Variants in STXBP4 observed in about 807,000 individuals in gnomAD.
The protein encoded by STXBP4 is syntaxin binding protein 4.
Under a neutral mutation model 76.1 loss-of-function variants are expected in STXBP4, and 55 were observed. The observed-to-expected ratio is 0.72, with a 90% CI of 0.58 to 0.91. STXBP4 has a LOEUF of 0.91. Ranked by LOEUF, STXBP4 falls within the 40% of genes least tolerant of loss-of-function variation. STXBP4 has a pLI of 0.00. For synonymous variants in STXBP4, 201 were observed against 220.2 expected, an observed-to-expected ratio of 0.91 and a Z score of 0.77; for missense variants, 618 against 636.9, an observed-to-expected ratio of 0.97 and a Z score of 0.32.
chr17:55,030,274 A>G (rs558384604), intron 8 of STXBP4, among the ~76,000 whole-genome samples: 9 of 152,276 alleles, frequency 5.9e-5, no homozygotes, highest in African/African-American at 2.2e-4. Flanking sequence ...AACCAAAAGA[A>G]CTGCTCAAAT....
At position 55,069,449 on chromosome 17, in the gene STXBP4, C is replaced by T. The variant is rs74913468; in HGVS notation, c.1012-3451C>T. Among the ~76,000 whole-genome samples, 525 of 152,196 alleles carry T rather than the reference C, an allele frequency of 3.4e-3. 5 individuals carry two copies. The highest frequency in any genetic ancestry group is 0.011 in the African/African-American group (438 of 41,528). ...GTTGTTACTGACATAGGAGGCTGTA[C>T]AGTTATTTATTAGAAGACAGCCTGG... On this transcript the variant is annotated intron_variant, in intron 12 of 17. Transcript: ENST00000376352.
At chr17:55,070,493 A>G (rs1030565895) in intron 12 of STXBP4, among the ~76,000 whole-genome samples, 34 of 152,130 alleles carry the variant, frequency 2.2e-4, no homozygotes, top group African/African-American at 8.0e-4. Context: ...TAAAACAATT[A>G]CTTTTAGATA....
chr17:55,046,893 T>G (rs2078797077), intron 11 of STXBP4, among the ~76,000 whole-genome samples, 196 bp from the exon 12 acceptor site: 1 of 151,910 alleles, frequency 6.6e-6, no homozygotes, highest in East Asian at 1.9e-4. Flanking sequence ...AAAAAGTATA[T>G]TTACATCACA....
At chr17:55,151,021 A>G (rs1229279237) in intron 17 of STXBP4, among the ~76,000 whole-genome samples, 1 of 152,178 alleles carries the variant, frequency 6.6e-6, no homozygotes, top group African/African-American at 2.4e-5. Context: ...AGGATATGTT[A>G]TGTTGCTGGC....
intron 10 of STXBP4, among the ~76,000 whole-genome samples, chr17:55,041,000 C>T (rs890141396): frequency 6.6e-6 from 1 of 152,154 alleles, no homozygotes; most frequent in Admixed American, 6.6e-5. Context: ...AATTCTCTGG[C>T]TGCAAGTTTT....
chr17:54,997,606 A>ATTTTATATATTT (rs1567710038), intron 4 of STXBP4, among the ~76,000 whole-genome samples: 1 of 146,202 alleles, frequency 6.8e-6, no homozygotes, highest in Non-Finnish European at 1.5e-5. Flanking sequence ...TATTTTATAT[A>ATTTTATATATTT]TATATATATT....
intron 16 of STXBP4, among the ~76,000 whole-genome samples, chr17:55,099,620 A>G (rs867799007): frequency 1.3e-5 from 2 of 152,226 alleles, no homozygotes; most frequent in Non-Finnish European, 2.9e-5. Flanking sequence ...TGACTGAAAC[A>G]TGGTTATACA....
chr17:55,102,777 C>T (rs1335825718), intron 16 of STXBP4, among the ~76,000 whole-genome samples: 1 of 152,184 alleles, frequency 6.6e-6, no homozygotes, highest in African/African-American at 2.4e-5. Flanking sequence ...TTCATATCCT[C>T]TCCAGCATCT....
At chr17:55,107,209 T>C (rs2079646162) in intron 16 of STXBP4, among the ~76,000 whole-genome samples, 1 of 152,218 alleles carries the variant, frequency 6.6e-6, no homozygotes, top group South Asian at 2.1e-4. Flanking sequence ...TGATATCCTT[T>C]CTTCCGCTTT....
At chr17:55,039,430 T>A (rs1367947683) in intron 10 of STXBP4, among the ~76,000 whole-genome samples, 1 of 152,154 alleles carries the variant, frequency 6.6e-6, no homozygotes, top group African/African-American at 2.4e-5. Context: ...GTCTGTACTT[T>A]ACTCAGTAGT....
intron 16 of STXBP4, among the ~76,000 whole-genome samples, chr17:55,105,608 G>A (rs990975870): frequency 1.7e-4 from 25 of 150,994 alleles, no homozygotes; most frequent in African/African-American, 5.3e-4. Flanking sequence ...TAGCTGGGAC[G>A]ACAGGCACCC....
intron 12 of STXBP4, among the ~76,000 whole-genome samples, chr17:55,054,311 A>C (rs2144792032): frequency 6.6e-6 from 1 of 152,238 alleles, no homozygotes; most frequent in Middle Eastern, 3.4e-3. Flanking sequence ...ACATGGTGAA[A>C]CCCCATCTCT....
At chr17:55,107,692 C>G (rs1178132768) in intron 16 of STXBP4, among the ~76,000 whole-genome samples, 1 of 152,162 alleles carries the variant, frequency 6.6e-6, no homozygotes, top group African/African-American at 2.4e-5. Context: ...TGCAGGTCTG[C>G]TAGGATTTGC....
At chr17:55,180,623 A>G in the STXBP4 span, among the ~76,000 whole-genome samples, 1 of 152,252 alleles carries the variant, frequency 6.6e-6, no homozygotes, top group East Asian at 1.9e-4. Flanking sequence ...AACCAACTCT[A>G]CAATCATTTG....
intron 16 of STXBP4, among the ~76,000 whole-genome samples, chr17:55,107,445 A>T (rs962640748): frequency 2.6e-5 from 4 of 152,192 alleles, no homozygotes; most frequent in African/African-American, 7.2e-5. Flanking sequence ...CTGTCAATTC[A>T]TCAAACTCAT....
At chr17:55,179,036 A>G in the STXBP4 span, among the ~76,000 whole-genome samples, 1 of 152,188 alleles carries the variant, frequency 6.6e-6, no homozygotes, top group South Asian at 2.1e-4. Context: ...CTTATTAGCA[A>G]TATTATTGTG....
At chr17:55,032,104 T>A (rs1034655775) in intron 9 of STXBP4, among the ~76,000 whole-genome samples, 2 of 152,206 alleles carry the variant, frequency 1.3e-5, no homozygotes, top group African/African-American at 2.4e-5. Context: ...AAATTGTTTT[T>A]CAGAGATATT....
intron 7 of STXBP4, among the ~76,000 whole-genome samples, chr17:55,002,450 T>C (rs886328269): frequency 6.6e-6 from 1 of 152,204 alleles, no homozygotes; most frequent in Non-Finnish European, 1.5e-5. Flanking sequence ...ATTATAATTA[T>C]TGAAATTAGG....
intron 8 of STXBP4, among the ~76,000 whole-genome samples, chr17:55,021,324 C>A (rs962004616): frequency 2.0e-5 from 3 of 152,024 alleles, no homozygotes; most frequent in Non-Finnish European, 4.4e-5. Flanking sequence ...GAGTTTGAGA[C>A]CAGCCTGGGC....
Sources: gnomAD v4.1 joint callset for allele counts (sites outside exome capture counted in the v4.1 genomes callset) on GRCh38, gnomAD v4.1.1 for gene constraint, MANE v1.5 for transcripts, NCBI Gene and HGNC (gene_info 2026-07-23, HGNC 2026-07-21) for gene names.